The following NECTIN3 variants were observed in gnomAD, a reference collection of about 807,000 sequenced individuals.
NECTIN3 encodes nectin cell adhesion molecule 3.
Under a neutral mutation model 49.4 loss-of-function variants are expected in NECTIN3, and 8 were observed. The ratio of observed to expected loss-of-function variants is 0.16; its 90% CI spans 0.10 to 0.29. The LOEUF (loss-of-function observed/expected upper bound fraction) is 0.29, where lower values mean the gene tolerates loss of function less well. NECTIN3 is among the 10% of genes least tolerant of loss of function. The pLI is 1.00. For synonymous variants in NECTIN3, 277 were observed against 241.1 expected, an observed-to-expected ratio of 1.15 and a Z score of -1.38; for missense variants, 581 against 654.6, an observed-to-expected ratio of 0.89 and a Z score of 1.23.
At chr3:111,113,951 C>T (rs2033580542) in intron 2 of NECTIN3, among the ~76,000 whole-genome samples, 2 of 152,096 alleles carry the variant, frequency 1.3e-5, no homozygotes, top group Admixed American at 1.3e-4. Flanking sequence ...CCACTGCACT[C>T]CAGCCTGGGC....
At chr3:111,137,608 T>C, downstream of NECTIN3, 1 of 592,370 alleles carries the variant, frequency 1.7e-6, no homozygotes, top group Non-Finnish European at 2.1e-6. Context: ...TTTGTCCTCG[T>C]ATTTACTAAA....
chr3:111,172,597 A>G (rs1347413275), intron 7 of NECTIN3, among the ~76,000 whole-genome samples: 3 of 152,208 alleles, frequency 2.0e-5, no homozygotes, highest in Non-Finnish European at 4.4e-5. Context: ...AGGGAAGAAA[A>G]GGAAAGTGGG....
At chr3:111,157,567 A>G (rs906189799) in intron 7 of NECTIN3, among the ~76,000 whole-genome samples, 2 of 152,110 alleles carry the variant, frequency 1.3e-5, no homozygotes, top group African/African-American at 4.8e-5. Flanking sequence ...TTTGAACTGC[A>G]AGATGAAGGT....
intron 1 of NECTIN3, chr3:111,192,426 G>C (rs1306466893): frequency 6.5e-7 from 1 of 1,531,518 alleles, no homozygotes; most frequent in East Asian, 2.4e-5. Flanking sequence ...AAGTAACTGT[G>C]TTGTCGGTAT....
At position 111,072,117 on chromosome 3, in the gene NECTIN3, C is replaced by G. The variant is rs1301590732; in HGVS notation, c.100C>G (p.Pro34Ala). ...LLGAGLLLQP[P>A]TPPPLLLLLF... ...CGGAGCCGGGCTCCTGCTGCAGCCC[C>G]CGACGCCACCTCCGCTGCTGCTGCT... is the stretch of plus-strand genomic sequence containing the variant. The change falls in exon 1 of 6, where the codon CCG becomes GCG. Residue 34 changes from proline (P) to alanine (A), a missense_variant. Physicochemically the swap from Pro to Ala is conservative, Grantham distance 27. This residue lies in a region of NECTIN3 where 109 missense variants were observed against 69.1 expected (regional missense o/e 1.58). Coordinates refer to ENST00000485303, the MANE Select transcript of NECTIN3 (RefSeq NM_015480.3). 1 of 1,549,660 alleles carries G rather than the reference C, an allele frequency of 6.5e-7. No individual in the cohort carries two copies. The highest frequency in any genetic ancestry group is 8.7e-7 in the Non-Finnish European group (1 of 1,146,242).
At chr3:111,148,017 T>C (rs896686865) in intron 7 of NECTIN3, among the ~76,000 whole-genome samples, 2 of 152,198 alleles carry the variant, frequency 1.3e-5, no homozygotes, top group Admixed American at 6.5e-5. Context: ...TTTGGGAAAG[T>C]TGTAAACTAT....
At chr3:111,116,980 A>G (rs2033713591) in intron 2 of NECTIN3, among the ~76,000 whole-genome samples, 1 of 152,082 alleles carries the variant, frequency 6.6e-6, no homozygotes, top group Admixed American at 6.6e-5. Flanking sequence ...AATTCTAGGG[A>G]TATACTTGTG....
intron 1 of NECTIN3, 59 bp from the exon 2 acceptor site, chr3:111,111,971 G>A (rs2033486953): frequency 9.0e-7 from 1 of 1,107,806 alleles, no homozygotes; most frequent in Non-Finnish European, 1.3e-6. Context: ...AGGAAGGGAG[G>A]AGAGTGTTGA....
At chr3:111,105,807 A>AT (rs555029617) in intron 1 of NECTIN3, among the ~76,000 whole-genome samples, 45 of 152,244 alleles carry the variant, frequency 3.0e-4, no homozygotes, top group African/African-American at 1.0e-3. Context: ...CCTCTGAGGG[A>AT]TCAGAACTTT....
At chr3:111,117,316 G>T (rs1270085817) in intron 2 of NECTIN3, among the ~76,000 whole-genome samples, 1 of 151,990 alleles carries the variant, frequency 6.6e-6, no homozygotes, top group Non-Finnish European at 1.5e-5. Flanking sequence ...GCATGTGTTG[G>T]TTGTAGAACT....
chr3:111,143,072 T>G (rs1355266455), intron 5 of NECTIN3, among the ~76,000 whole-genome samples: 2 of 151,896 alleles, frequency 1.3e-5, no homozygotes, highest in East Asian at 3.8e-4. Context: ...GACCATCTAC[T>G]TTATGGCTGT....
At position 111,112,307 on chromosome 3, in the gene NECTIN3, C is replaced by T. The variant is rs760304116; in HGVS notation, c.438C>T (p.Tyr146=). Residue 146 remains tyrosine, a synonymous_variant, in exon 2 of 6, where the codon TAC becomes TAT. Coordinates refer to ENST00000485303, the MANE Select transcript of NECTIN3 (RefSeq NM_015480.3). Reference sequence around the variant, plus strand: ...TAGGATTCTCTGATTCTGGAAAATACATCTGCAAAGCTGTTACATTCCCGC... The same window carrying T: ...TAGGATTCTCTGATTCTGGAAAATATATCTGCAAAGCTGTTACATTCCCGC... ...HNIGFSDSGK[Y]ICKAVTFPLG... 12 of 1,613,730 alleles carry T rather than the reference C, an allele frequency of 7.4e-6. No homozygotes were observed. In the Admixed American group the frequency reaches 1.8e-4, roughly 25 times the overall value.
chr3:111,173,546 C>T (rs2035471484), intron 7 of NECTIN3, among the ~76,000 whole-genome samples: 2 of 152,206 alleles, frequency 1.3e-5, no homozygotes, highest in South Asian at 4.1e-4. Context: ...GAAGAACAAT[C>T]ACTTCTCCCT....
At position 111,136,377 on chromosome 3, in the gene NECTIN3, G is replaced by T. The variant is rs1052616498; in HGVS notation, c.*2162G>T. Reference sequence around the variant, plus strand: ...TTTTTTGTTTGTTTCTTTTGTGTTTGTTTGGCGGGAGAGGGTGACCTGGAA... The same window carrying T: ...TTTTTTGTTTGTTTCTTTTGTGTTTTTTTGGCGGGAGAGGGTGACCTGGAA... On this transcript the variant is annotated 3_prime_UTR_variant, in exon 6 of 6. Transcript: ENST00000485303. 4 of 984,582 alleles carry T rather than the reference G, an allele frequency of 4.1e-6. No homozygotes were observed. Among genetic ancestry groups the T allele is most frequent in the Non-Finnish European group, 3.6e-6 (3 of 829,428 alleles). The allele number at this position is 984,582 out of a possible 1,614,324, so 61.0% of individuals were successfully genotyped here.
intron 7 of NECTIN3, among the ~76,000 whole-genome samples, chr3:111,153,811 G>GT (rs892674353): frequency 1.3e-5 from 2 of 151,622 alleles, no homozygotes; most frequent in Non-Finnish European, 2.9e-5. Context: ...GTAGTGTTTA[G>GT]TTTTTTTTCT....
intron 7 of NECTIN3, among the ~76,000 whole-genome samples, chr3:111,149,236 C>A (rs995538639): frequency 1.3e-5 from 2 of 152,058 alleles, no homozygotes; most frequent in Non-Finnish European, 2.9e-5. Flanking sequence ...GTTTCAATTA[C>A]TATTGCTTTA....
chr3:111,135,555 AG>A lies in NECTIN3; in HGVS notation c.*1342del, dbSNP rs1021923341. 1.0e-6 allele frequency: 1 copy of A among 981,184 alleles called. No homozygotes were observed. The highest frequency in any genetic ancestry group is 1.2e-6 in the Non-Finnish European group (1 of 826,292). The allele number at this position is 981,184 out of a possible 1,614,324, so 60.8% of individuals were successfully genotyped here. ...TTGTGACAACTATTTTGAAGCTGAAAGGATAGTTTTTCTATTGCTAAGTCAT... is the reference window on the plus strand; with the variant it reads ...TTGTGACAACTATTTTGAAGCTGAAAGATAGTTTTTCTATTGCTAAGTCAT... On this transcript the variant is annotated 3_prime_UTR_variant, in exon 6 of 6. Transcript: ENST00000485303.
chr3:111,098,345 G>A (rs2032710119), intron 1 of NECTIN3, among the ~76,000 whole-genome samples: 1 of 152,188 alleles, frequency 6.6e-6, no homozygotes, highest in African/African-American at 2.4e-5. Flanking sequence ...TTCTCACACA[G>A]TTCTGGAGCG....
At chr3:111,103,430 C>A (rs2033017520) in intron 1 of NECTIN3, among the ~76,000 whole-genome samples, 1 of 149,594 alleles carries the variant, frequency 6.7e-6, no homozygotes, top group Admixed American at 6.7e-5. Context: ...TTGATCATTA[C>A]TGATACGTAA....
Sources: allele counts gnomAD v4.1 joint callset (sites outside exome capture counted in the v4.1 genomes callset), GRCh38; gene constraint gnomAD v4.1.1; regional missense constraint gnomAD v4.1.1; transcripts MANE v1.5; gene names NCBI Gene and HGNC (gene_info 2026-07-23, HGNC 2026-07-21).